Variants in NXPH1 observed in about 807,000 individuals in gnomAD.
The protein encoded by NXPH1 is neurexophilin 1.
Under a neutral mutation model 23.7 loss-of-function variants are expected in NXPH1, and 5 were observed. The ratio of observed to expected loss-of-function variants is 0.21; its 90% CI spans 0.11 to 0.44. NXPH1 has a LOEUF of 0.44. Among genes scored for constraint, NXPH1 ranks in the 20% least tolerant of loss-of-function variants. The pLI is 0.99. For missense variants in NXPH1, 324 were observed against 321.6 expected (o/e 1.01, Z -0.06); for synonymous variants, 144 against 122.2 (o/e 1.18, Z -1.18).
intron 2 of NXPH1, among the ~76,000 whole-genome samples, chr7:8,505,751 T>C (rs1271061692): frequency 6.6e-6 from 1 of 152,136 alleles, no homozygotes; most frequent in African/African-American, 2.4e-5. Flanking sequence ...ATAACTATGT[T>C]AGGCACATGA....
intron 2 of NXPH1, among the ~76,000 whole-genome samples, chr7:8,535,975 T>C (rs1382619879): frequency 6.6e-6 from 1 of 151,996 alleles, no homozygotes; most frequent in Non-Finnish European, 1.5e-5. Context: ...GTAACTCCTG[T>C]TTATTTTTCA....
At chr7:8,568,966 G>T (rs1818599036) in intron 2 of NXPH1, among the ~76,000 whole-genome samples, 1 of 151,720 alleles carries the variant, frequency 6.6e-6, no homozygotes, top group African/African-American at 2.4e-5. Context: ...TATGGAATTA[G>T]AAAAAAATTA....
chr7:8,750,914 T>G (rs1352145503), intron 2 of NXPH1, 94 bp from the exon 3 acceptor site: 5 of 1,258,802 alleles, frequency 4.0e-6, no homozygotes, highest in Non-Finnish European at 5.6e-6. Flanking sequence ...GTGTAATTAT[T>G]TAATCCTGAG....
chr7:8,730,533 C>A (rs1384004251), intron 2 of NXPH1, among the ~76,000 whole-genome samples: 3 of 151,682 alleles, frequency 2.0e-5, no homozygotes, highest in Non-Finnish European at 4.4e-5. Context: ...TAGGGCAGGC[C>A]TGGTGGTGAC....
intron 2 of NXPH1, among the ~76,000 whole-genome samples, chr7:8,574,928 A>C (rs1036193388): frequency 9.9e-5 from 15 of 152,284 alleles, no homozygotes; most frequent in African/African-American, 3.6e-4. Context: ...TGAAATAGCA[A>C]TTCAAGTAGT....
In NXPH1 at chr7:8,448,863, C is replaced by G. The variant is rs150571484; in HGVS notation, c.54+13096C>G. 5.7e-3 allele frequency among the ~76,000 whole-genome samples: 841 copies of G among 147,550 alleles called. 5 individuals are homozygous for G. The highest frequency in any genetic ancestry group is 0.02 in the African/African-American group (793 of 39,986). On this transcript the variant is annotated intron_variant, in intron 2 of 2. Coordinates refer to ENST00000405863, the MANE Select transcript of NXPH1 (RefSeq NM_152745.3). ...AAAAGGACATTTCTACAGCAACTAG[C>G]GAATTGTTTATGGAAATGAAGAGAC...
intron 2 of NXPH1, among the ~76,000 whole-genome samples, chr7:8,492,156 C>G (rs1817257361): frequency 6.6e-6 from 1 of 152,030 alleles, no homozygotes; most frequent in Non-Finnish European, 1.5e-5. Flanking sequence ...AACTTGACTC[C>G]TTACTGCACT....
At chr7:8,707,259 C>T (rs1226083181) in intron 2 of NXPH1, among the ~76,000 whole-genome samples, 4 of 152,120 alleles carry the variant, frequency 2.6e-5, no homozygotes, top group African/African-American at 9.7e-5. Flanking sequence ...TTCTAGCAGG[C>T]CCAGCTTTTC....
At chr7:8,658,348 G>C (rs1361833980) in intron 2 of NXPH1, among the ~76,000 whole-genome samples, 1 of 152,144 alleles carries the variant, frequency 6.6e-6, no homozygotes, top group Non-Finnish European at 1.5e-5. Flanking sequence ...TGTTTGATTA[G>C]TGAACACATT....
chr7:8,500,454 C>T (rs2128612422), intron 2 of NXPH1, among the ~76,000 whole-genome samples: 1 of 152,184 alleles, frequency 6.6e-6, no homozygotes, highest in East Asian at 1.9e-4. Flanking sequence ...TGACCTTGGG[C>T]AGGTTGCCAA....
At chr7:8,559,945 T>C (rs1348139718) in intron 2 of NXPH1, among the ~76,000 whole-genome samples, 2 of 151,678 alleles carry the variant, frequency 1.3e-5, no homozygotes, top group African/African-American at 4.8e-5. Context: ...ATTGCCAGAA[T>C]CGATTATTGA....
chr7:8,646,066 AT>A (rs1426569665), intron 2 of NXPH1, among the ~76,000 whole-genome samples: 1 of 152,102 alleles, frequency 6.6e-6, no homozygotes, highest in Non-Finnish European at 1.5e-5. Flanking sequence ...AAATTAATGA[AT>A]TTTGAAAAAT....
intron 2 of NXPH1, among the ~76,000 whole-genome samples, chr7:8,492,482 T>C (rs1283497809): frequency 6.6e-6 from 1 of 152,038 alleles, no homozygotes; most frequent in African/African-American, 2.4e-5. Context: ...GAGGAGTAAA[T>C]AAGATATTTA....
At chr7:8,518,633 C>T (rs919323784) in intron 2 of NXPH1, among the ~76,000 whole-genome samples, 7 of 151,854 alleles carry the variant, frequency 4.6e-5, no homozygotes, top group Non-Finnish European at 1.0e-4. Flanking sequence ...ACTGCAGGTA[C>T]AGGACACCAC....
chr7:8,750,777 T>C (rs185784867), intron 2 of NXPH1, among the ~76,000 whole-genome samples: 5 of 152,268 alleles, frequency 3.3e-5, no homozygotes, highest in Admixed American at 6.5e-5. Context: ...TTATCACATA[T>C]TAAAAAATAT....
rs1816181543 is a variant in NXPH1, at chr7:8,435,687, C to T, written c.-27C>T. On this transcript the variant is annotated 5_prime_UTR_variant, in exon 2 of 3. Transcript: ENST00000405863. This position sits in a 1 kb window ranked among gnomAD's most constrained non-coding sequence, Gnocchi z 5.9. ...AGGAACAAAGACTCAAAGAAGGCAC[C>T]GCCAAGGAAGTTTGAGACGCGGGAG... 6.2e-7 allele frequency: 1 copy of T among 1,612,028 alleles called. No homozygotes were observed. Among genetic ancestry groups the T allele is most frequent in the South Asian group, 1.1e-5 (1 of 91,034 alleles).
chr7:8,441,371 C>T (rs1469019184), intron 2 of NXPH1, among the ~76,000 whole-genome samples: 1 of 152,140 alleles, frequency 6.6e-6, no homozygotes, highest in Non-Finnish European at 1.5e-5. Context: ...GATGTCAGCA[C>T]TAACCCCCTC....
At chr7:8,679,765 G>A (rs1360182867) in intron 2 of NXPH1, among the ~76,000 whole-genome samples, 2 of 152,364 alleles carry the variant, frequency 1.3e-5, no homozygotes, top group African/African-American at 4.8e-5. Flanking sequence ...GCTCACGCCT[G>A]TAATCCCAAC....
At chr7:8,591,245 T>C (rs756752027) in intron 2 of NXPH1, among the ~76,000 whole-genome samples, 3 of 152,080 alleles carry the variant, frequency 2.0e-5, no homozygotes, top group Non-Finnish European at 2.9e-5. Flanking sequence ...GTAGGTAAGA[T>C]TGTTATTCCT....
Sources: gnomAD v4.1 joint callset for allele counts (sites outside exome capture counted in the v4.1 genomes callset) on GRCh38, gnomAD v4.1.1 for gene constraint, Gnocchi (gnomAD v3.1) non-coding constraint, MANE v1.5 for transcripts, NCBI Gene and HGNC (gene_info 2026-07-23, HGNC 2026-07-21) for gene names.